The following INSC variants were observed in gnomAD, a reference collection of about 807,000 sequenced individuals.
INSC encodes INSC spindle orientation adaptor protein.
A neutral mutation model predicts 58.6 loss-of-function variants in INSC; 67 were observed. The ratio of observed to expected loss-of-function variants is 1.14; its 90% CI spans 0.94 to 1.40. The LOEUF (loss-of-function observed/expected upper bound fraction) is 1.40, where lower values mean the gene tolerates loss of function less well. INSC is among the 40% of genes most tolerant of loss of function. The probability of loss-of-function intolerance (pLI) is 0.00; values close to 1 mark genes in which losing one functional copy is unlikely to be tolerated. For missense variants in INSC, 714 were observed against 692.0 expected (o/e 1.03, Z -0.36); for synonymous variants, 262 against 276.1 (o/e 0.95, Z 0.51).
chr11:15,168,519 A>G (rs1261857253), intron 2 of INSC, among the ~76,000 whole-genome samples: 1 of 152,194 alleles, frequency 6.6e-6, no homozygotes, highest in Non-Finnish European at 1.5e-5. Flanking sequence ...TTATTGTGAC[A>G]CGTGTGAAGG....
At chr11:15,117,707 G>A (rs1043691487) in intron 1 of INSC, among the ~76,000 whole-genome samples, 1 of 152,162 alleles carries the variant, frequency 6.6e-6, no homozygotes, top group African/African-American at 2.4e-5. Context: ...CTGGGGATGG[G>A]AATCACACTG....
At chr11:15,215,234 T>C (rs918484628) in intron 7 of INSC, among the ~76,000 whole-genome samples, 7 of 152,216 alleles carry the variant, frequency 4.6e-5, no homozygotes, top group African/African-American at 1.7e-4. Context: ...AAAATCTAAT[T>C]ATCTATAAGT....
chr11:15,118,860 G>A (rs1216449132), intron 1 of INSC, among the ~76,000 whole-genome samples: 1 of 152,164 alleles, frequency 6.6e-6, no homozygotes, highest in East Asian at 1.9e-4. Flanking sequence ...CTACTGTCCA[G>A]CTTCCTTTTT....
At chr11:15,268,964 A>T in the INSC span, among the ~76,000 whole-genome samples, 1 of 152,078 alleles carries the variant, frequency 6.6e-6, no homozygotes, top group African/African-American at 2.4e-5. Context: ...TTGGTATAGA[A>T]AATGTAACAT....
At chr11:15,137,488 C>A (rs879086479) in intron 1 of INSC, among the ~76,000 whole-genome samples, 1 of 152,136 alleles carries the variant, frequency 6.6e-6, no homozygotes, top group Admixed American at 6.6e-5. Context: ...AGTGTAGCCA[C>A]CTTCATCAAT....
intron 2 of INSC, among the ~76,000 whole-genome samples, chr11:15,172,474 T>A (rs1849433374): frequency 6.6e-6 from 1 of 152,216 alleles, no homozygotes; most frequent in Non-Finnish European, 1.5e-5. Context: ...CACAAGAGAC[T>A]GTTCCTCACA....
chr11:15,240,719 G>A (rs1478893357), intron 12 of INSC, among the ~76,000 whole-genome samples, 196 bp downstream of exon 12: 1 of 152,140 alleles, frequency 6.6e-6, no homozygotes, highest in African/African-American at 2.4e-5. Flanking sequence ...AATTATATGA[G>A]GTCATATGTG....
chr11:15,175,495 A>C (rs192137001), intron 2 of INSC, among the ~76,000 whole-genome samples: 1 of 152,094 alleles, frequency 6.6e-6, no homozygotes, highest in East Asian at 1.9e-4. Flanking sequence ...ATCATTGGCT[A>C]CTCTGTCAGA....
chr11:15,140,433 G>A (rs147733419), intron 1 of INSC, among the ~76,000 whole-genome samples: 1 of 152,304 alleles, frequency 6.6e-6, no homozygotes, highest in Non-Finnish European at 1.5e-5. Context: ...CTGAGGTGCT[G>A]GTGGGCCTGT....
intron 7 of INSC, among the ~76,000 whole-genome samples, chr11:15,220,710 G>A (rs943660689): frequency 2.0e-5 from 3 of 152,198 alleles, no homozygotes; most frequent in African/African-American, 7.2e-5. Context: ...GCACTCTATA[G>A]AATGGTACCT....
chr11:15,125,692 C>A (rs1168463130), intron 1 of INSC, among the ~76,000 whole-genome samples: 1 of 152,208 alleles, frequency 6.6e-6, no homozygotes, highest in Non-Finnish European at 1.5e-5. Context: ...AAGTCTTTAC[C>A]TGCTACTTGG....
chr11:15,186,025 T>C (rs1430176235), intron 5 of INSC, among the ~76,000 whole-genome samples: 1 of 152,170 alleles, frequency 6.6e-6, no homozygotes, highest in African/African-American at 2.4e-5. Flanking sequence ...ACTAGAGGGT[T>C]GCTTAAACTT....
the INSC span, among the ~76,000 whole-genome samples, chr11:15,253,112 C>T: frequency 1.3e-5 from 2 of 152,106 alleles, no homozygotes; most frequent in Non-Finnish European, 2.9e-5. Context: ...AGAAAATTAC[C>T]ACTGAAGTTT....
intron 7 of INSC, among the ~76,000 whole-genome samples, chr11:15,215,095 G>A (rs1851164640): frequency 6.6e-6 from 1 of 152,164 alleles, no homozygotes; most frequent in East Asian, 1.9e-4. Flanking sequence ...AGCCCCTTCT[G>A]TATCCAGACT....
intron 2 of INSC, among the ~76,000 whole-genome samples, chr11:15,159,661 A>G (rs1487364148): frequency 6.6e-6 from 1 of 152,234 alleles, no homozygotes; most frequent in Non-Finnish European, 1.5e-5. Flanking sequence ...GACACTGATG[A>G]GCTGGGTTCA....
intron 7 of INSC, among the ~76,000 whole-genome samples, chr11:15,203,976 T>C (rs1850697551): frequency 1.3e-5 from 2 of 152,220 alleles, no homozygotes; most frequent in African/African-American, 4.8e-5. Context: ...TGTGCTTTCA[T>C]ACCAAAATAG....
intron 9 of INSC, among the ~76,000 whole-genome samples, chr11:15,228,235 T>C (rs1851715166): frequency 6.6e-6 from 1 of 152,194 alleles, no homozygotes; most frequent in Non-Finnish European, 1.5e-5. Context: ...AAAATGGGCA[T>C]GACCTCTTCC....
At chr11:15,239,363 A>T (rs1279865220) in intron 11 of INSC, among the ~76,000 whole-genome samples, 1 of 152,176 alleles carries the variant, frequency 6.6e-6, no homozygotes, top group African/African-American at 2.4e-5. Flanking sequence ...TCATTCATTT[A>T]TTCACTTGCT....
At chr11:15,236,584 C>A (rs1418412584) in intron 10 of INSC, among the ~76,000 whole-genome samples, 1 of 152,134 alleles carries the variant, frequency 6.6e-6, no homozygotes, top group East Asian at 1.9e-4. Context: ...GTGGGGTGGG[C>A]CAGGTTTCAT....
Sources: gnomAD v4.1 joint callset for allele counts (sites outside exome capture counted in the v4.1 genomes callset) on GRCh38, gnomAD v4.1.1 for gene constraint, MANE v1.5 for transcripts, NCBI Gene and HGNC (gene_info 2026-07-23, HGNC 2026-07-21) for gene names.